RC3H1: variants seen among roughly 807,000 people sequenced by gnomAD.
The protein encoded by RC3H1 is roquin-1.
RC3H1 carries 50 observed loss-of-function variants against 138.2 expected under a neutral mutation model. That is an observed-to-expected ratio of 0.36 (90% CI 0.29 to 0.46). RC3H1 has a LOEUF of 0.46. RC3H1 is among the 20% of genes least tolerant of loss of function. The pLI, the probability that RC3H1 is intolerant of heterozygous loss-of-function variation, is 1.00. For synonymous variants in RC3H1, 462 were observed against 489.1 expected (o/e 0.94, Z 0.73); for missense variants, 1,031 against 1,388.1 (o/e 0.74, Z 4.09).
intron 13 of RC3H1, among the ~76,000 whole-genome samples, chr1:173,953,801 G>A (rs1429143583): frequency 6.6e-6 from 1 of 152,104 alleles, no homozygotes; most frequent in Non-Finnish European, 1.5e-5. Context: ...CACTTTGGGA[G>A]GTCGAGGCGG....
At chr1:173,945,482 G>A (rs1659094348) in intron 17 of RC3H1, among the ~76,000 whole-genome samples, 1 of 152,116 alleles carries the variant, frequency 6.6e-6, no homozygotes, top group African/African-American at 2.4e-5. Context: ...ATGATGGAAA[G>A]AACACTGAAT....
intron 13 of RC3H1, among the ~76,000 whole-genome samples, chr1:173,952,466 GT>G (rs780303718): frequency 4.1e-5 from 6 of 148,044 alleles, no homozygotes; most frequent in East Asian, 2.1e-4. Flanking sequence ...GATTTTATGG[GT>G]TTGCTCATCC....
intron 18 of RC3H1, among the ~76,000 whole-genome samples, chr1:173,943,110 C>T (rs1398162898): frequency 6.6e-6 from 1 of 152,134 alleles, no homozygotes; most frequent in Non-Finnish European, 1.5e-5. Context: ...GTTGTCATTG[C>T]AAAATAGTAA....
At chr1:173,965,779 A>G (rs1485793113) in intron 9 of RC3H1, among the ~76,000 whole-genome samples, 1 of 152,192 alleles carries the variant, frequency 6.6e-6, no homozygotes, top group Non-Finnish European at 1.5e-5. Flanking sequence ...AGCCAATGTT[A>G]AAAAATTAGG....
At chr1:173,955,043 G>A (rs7521960) in intron 13 of RC3H1, among the ~76,000 whole-genome samples, 13,549 of 151,276 alleles carry the variant, frequency 0.09, 806 homozygotes, top group East Asian at 0.32. Context: ...TGGCTAACAC[G>A]GTGAAACCCT....
At chr1:173,966,878 T>C (rs1201033105) in intron 9 of RC3H1, among the ~76,000 whole-genome samples, 2 of 152,208 alleles carry the variant, frequency 1.3e-5, no homozygotes, top group African/African-American at 4.8e-5. Flanking sequence ...TTATATGGAA[T>C]TGTTCCTTTA....
intron 2 of RC3H1, among the ~76,000 whole-genome samples, chr1:173,987,772 G>A (rs369038159): frequency 4.0e-5 from 6 of 151,860 alleles, no homozygotes; most frequent in East Asian, 1.9e-4. Flanking sequence ...GAGATATCTC[G>A]TATATCTATT....
intron 15 of RC3H1, 22 bp from the exon 16 acceptor site, chr1:173,946,858 T>C (rs777050952): frequency 3.4e-6 from 5 of 1,465,264 alleles, no homozygotes; most frequent in Middle Eastern, 1.7e-4. Flanking sequence ...TGATTTATTA[T>C]GGTATAATTC....
chr1:174,011,420 T>A (rs904052092), intron 1 of RC3H1, among the ~76,000 whole-genome samples: 2 of 151,744 alleles, frequency 1.3e-5, no homozygotes, highest in Non-Finnish European at 2.9e-5. Context: ...AATGTAAAAA[T>A]TGACATATAA....
intron 2 of RC3H1, among the ~76,000 whole-genome samples, chr1:173,990,837 C>T (rs1385534475): frequency 7.3e-5 from 11 of 151,656 alleles, no homozygotes; most frequent in African/African-American, 2.2e-4. Flanking sequence ...CTCCTGACCT[C>T]GTGATCCACC....
chr1:173,938,825 G>A lies in RC3H1; in HGVS notation c.3298C>T (p.Leu1100=). ...TTCAGAGAGCTGGTCTTGTTTGATA[G>A]GAGGCTGATATTCTCTTGTGTCAAG... is the stretch of plus-strand genomic sequence containing the variant. ...SALTQENISL[L]SNKTSSLNLS... is the part of the protein sequence containing the mutation. Residue 1100 remains leucine, a synonymous_variant, in exon 20 of 20, where the codon CTA becomes TTA. Coordinates refer to ENST00000367696, the MANE Select transcript of RC3H1 (RefSeq NM_172071.4). 6.2e-7 allele frequency: 1 copy of A among 1,613,578 alleles called. No homozygotes were observed. The highest frequency in any genetic ancestry group is 1.1e-5 in the South Asian group (1 of 91,044).
intron 13 of RC3H1, among the ~76,000 whole-genome samples, chr1:173,958,889 T>C (rs1659756393): frequency 6.6e-6 from 1 of 152,164 alleles, no homozygotes; most frequent in South Asian, 2.1e-4. Context: ...TCTGGCTGGT[T>C]TCCTCATTAC....
chr1:173,978,562 C>A lies in RC3H1; in HGVS notation c.1028G>T (p.Arg343Leu). ...SVQELTIALQ[R>L]TGDPANLNRL... ...GTTCAAGTTTGCTGGGTCTCCAGTT[C>A]GCTGGAGAGCAATTGTTAGTTCCTG... The change falls in exon 7 of 20, where the codon CGA becomes CTA. Residue 343 changes from arginine (R) to leucine (L), a missense_variant. Transcript: ENST00000367696. 1 of 1,613,584 alleles carries A rather than the reference C, an allele frequency of 6.2e-7. No homozygotes were observed.
In RC3H1 at chr1:173,980,945, G is replaced by A; in HGVS notation, c.833C>T (p.Ala278Val). The A allele has an allele frequency of 6.2e-7, 1 of 1,613,996 alleles. No individual in the cohort carries two copies. The highest frequency in any genetic ancestry group is 8.5e-7 in the Non-Finnish European group (1 of 1,179,894). The change falls in exon 6 of 20, where the codon GCT (alanine) becomes GTT (valine). Residue 278 changes from alanine to valine, a missense_variant. Ala to Val is a moderately conservative substitution (Grantham distance 64). Around this residue, in one of 7 missense-constraint regions of RC3H1, gnomAD observed 142 missense variants for 224.6 expected, o/e 0.63. Transcript: ENST00000367696. ...QLKEEFRTYEALRREHDSQIV... is the reference protein window; with the variant it reads ...QLKEEFRTYEVLRREHDSQIV... ...CTGGGAGTCATGTTCTCGCCGCAGA[G>A]CTTCATAGGTTCTAAATTCTTCTTT...
chr1:173,972,016 C>T (rs1362357694), intron 8 of RC3H1, among the ~76,000 whole-genome samples: 2 of 151,948 alleles, frequency 1.3e-5, no homozygotes, highest in African/African-American at 2.4e-5. Flanking sequence ...CATCTAAAAA[C>T]TTTGAGGGAG....
At chr1:173,953,303 C>T (rs1181147147) in intron 13 of RC3H1, among the ~76,000 whole-genome samples, 11 of 152,078 alleles carry the variant, frequency 7.2e-5, no homozygotes, top group African/African-American at 2.2e-4. Flanking sequence ...GATGGTGTCT[C>T]GCTCTGTCAC....
Position 173,983,967 on chromosome 1 carries a change from T to G in RC3H1, c.353-310A>C, listed in dbSNP as rs79012699. ...GACAACATTGATAATTAGTTTATAATGTAAATCTTGAAGTCCTAAGAGTTC... is the reference window on the plus strand; with the variant it reads ...GACAACATTGATAATTAGTTTATAAGGTAAATCTTGAAGTCCTAAGAGTTC... On this transcript the variant is annotated intron_variant, in intron 3 of 19. Transcript: ENST00000367696. 3.4e-3 allele frequency among the ~76,000 whole-genome samples: 524 copies of G among 152,330 alleles called. 2 individuals carry two copies. Among genetic ancestry groups the G allele is most frequent in the African/African-American group, 0.012 (485 of 41,570 alleles).
At chr1:173,978,836 T>C (rs1660686212) in intron 6 of RC3H1, among the ~76,000 whole-genome samples, 1 of 152,228 alleles carries the variant, frequency 6.6e-6, no homozygotes, top group South Asian at 2.1e-4. Context: ...TTGCCTCTGC[T>C]GTCACATTCT....
chr1:173,971,205 G>T (rs935135237), intron 8 of RC3H1, among the ~76,000 whole-genome samples: 1 of 151,854 alleles, frequency 6.6e-6, no homozygotes, highest in Admixed American at 6.6e-5. Context: ...CAAATGATCC[G>T]CCTGCCTCAG....
Sources: gnomAD v4.1 joint callset for allele counts (sites outside exome capture counted in the v4.1 genomes callset) on GRCh38, gnomAD v4.1.1 for gene constraint, gnomAD v4.1.1 regional missense constraint, MANE v1.5 for transcripts, NCBI Gene and HGNC (gene_info 2026-07-23, HGNC 2026-07-21) for gene names.